Variants in MEGF10 observed in about 807,000 individuals in gnomAD.
MEGF10 encodes multiple EGF like domains 10.
MEGF10 carries 86 observed loss-of-function variants against 147.5 expected under a neutral mutation model. The ratio of observed to expected loss-of-function variants is 0.58; its 90% CI spans 0.49 to 0.70. The LOEUF (loss-of-function observed/expected upper bound fraction) is 0.70, where lower values mean the gene tolerates loss of function less well. MEGF10 is among the 30% of genes least tolerant of loss of function. MEGF10 has a pLI of 0.00. For synonymous variants in MEGF10, 478 were observed against 525.5 expected, an observed-to-expected ratio of 0.91 and a Z score of 1.24; for missense variants, 1,329 against 1,487.3, an observed-to-expected ratio of 0.89 and a Z score of 1.75.
intron 5 of MEGF10, among the ~76,000 whole-genome samples, chr5:127,376,500 TA>T (rs750630248): frequency 2.6e-5 from 4 of 152,092 alleles, no homozygotes; most frequent in Non-Finnish European, 5.9e-5. Flanking sequence ...AGAATAGGTG[TA>T]AACAGGTTTC....
At chr5:127,405,169 G>A (rs1764276910) in intron 8 of MEGF10, among the ~76,000 whole-genome samples, 1 of 152,158 alleles carries the variant, frequency 6.6e-6, no homozygotes, top group Non-Finnish European at 1.5e-5. Flanking sequence ...TTATCAGTTT[G>A]AGTGCTGTTT....
At chr5:127,423,702 T>A (rs946246223) in intron 13 of MEGF10, among the ~76,000 whole-genome samples, 1 of 152,214 alleles carries the variant, frequency 6.6e-6, no homozygotes, top group South Asian at 2.1e-4. Context: ...AAATCCCTGC[T>A]CAGACTCTTT....
the MEGF10 span, among the ~76,000 whole-genome samples, chr5:127,271,172 C>A: frequency 0.4 from 60,666 of 152,010 alleles, 12,608 homozygotes; most frequent in Middle Eastern, 0.54. Flanking sequence ...AATTTACACT[C>A]CTACCAAGAG....
chr5:127,292,180 G>A (rs1759287301), intron 1 of MEGF10, among the ~76,000 whole-genome samples: 1 of 152,168 alleles, frequency 6.6e-6, no homozygotes, highest in African/African-American at 2.4e-5. Context: ...TTACCACTGA[G>A]AGTTCAAAGA....
In MEGF10 at chr5:127,310,031, T is replaced by A. The variant is rs1427855604; in HGVS notation, c.-19+18975T>A. On this transcript the variant is annotated intron_variant, in intron 1 of 24. Coordinates refer to ENST00000503335, the MANE Select transcript of MEGF10 (RefSeq NM_001256545.2). ...CTTCCTTTCTTTTTTTCTTTCTTTC[T>A]TTCCTTCTTTCTTTATTTCTTTCTT... is the stretch of plus-strand genomic sequence containing the variant. Among the ~76,000 whole-genome samples the A allele has an allele frequency of 3.2e-5, 2 of 62,950 alleles. 1 individual carries two copies. The highest frequency in any genetic ancestry group is 8.0e-5 in the Non-Finnish European group (2 of 24,998). 41.3% of individuals were successfully genotyped at this position (62,950 alleles called of 152,430 possible).
intron 4 of MEGF10, among the ~76,000 whole-genome samples, chr5:127,345,030 A>T (rs1580740454): frequency 6.6e-6 from 1 of 152,210 alleles, no homozygotes; most frequent in East Asian, 1.9e-4. Context: ...TTTAAGTTTC[A>T]TATTAATACA....
At chr5:127,366,460 A>T (rs1303602107) in intron 4 of MEGF10, among the ~76,000 whole-genome samples, 7 of 152,170 alleles carry the variant, frequency 4.6e-5, no homozygotes, top group Admixed American at 4.6e-4. Flanking sequence ...AATATTTCTC[A>T]TCATTTAGAT....
intron 1 of MEGF10, among the ~76,000 whole-genome samples, chr5:127,318,537 G>A (rs1393973534): frequency 6.6e-6 from 1 of 152,148 alleles, no homozygotes; most frequent in Non-Finnish European, 1.5e-5. Flanking sequence ...TTGAAAAGCA[G>A]ATGAAGTAGC....
At chr5:127,294,976 T>G (rs920325831) in intron 1 of MEGF10, among the ~76,000 whole-genome samples, 1 of 152,172 alleles carries the variant, frequency 6.6e-6, no homozygotes, top group South Asian at 2.1e-4. Context: ...TTTAGGATGG[T>G]TTTGGTTTGG....
the MEGF10 span, among the ~76,000 whole-genome samples, chr5:127,269,760 C>T: frequency 6.6e-6 from 1 of 152,128 alleles, no homozygotes; most frequent in African/African-American, 2.4e-5. Flanking sequence ...TCGAGAAGAG[C>T]AACTCCAAGA....
At chr5:127,398,369 T>G (rs938300010) in intron 6 of MEGF10, among the ~76,000 whole-genome samples, 4 of 152,174 alleles carry the variant, frequency 2.6e-5, no homozygotes, top group African/African-American at 9.7e-5. Context: ...TTTATAAGTG[T>G]TACATGAGAA....
At chr5:127,452,769 C>T (rs1177732689) in intron 22 of MEGF10, among the ~76,000 whole-genome samples, 1 of 152,216 alleles carries the variant, frequency 6.6e-6, no homozygotes, top group Non-Finnish European at 1.5e-5. Flanking sequence ...AGTCCAAGGA[C>T]TTCAAGATCA....
At chr5:127,282,929 A>G in the MEGF10 span, among the ~76,000 whole-genome samples, 11 of 152,234 alleles carry the variant, frequency 7.2e-5, no homozygotes, top group Non-Finnish European at 1.2e-4. Context: ...AAGTTCATCA[A>G]TCTCAGCAGG....
Position 127,434,687 on chromosome 5 carries a change from T to A in MEGF10, c.1841T>A (p.Ile614Asn), listed in dbSNP as rs1485623246. ...CTGCTGATTTCCCTTCTGTTTTCAG[T>A]CTGCTCCCCTGGTTTTTATGGGCAT... ...PGFRGTTCQRICSPGFYGHRC... is the reference protein window; with the variant it reads ...PGFRGTTCQRNCSPGFYGHRC... Residue 614 changes from isoleucine to asparagine, a missense_variant and splice_region_variant, in exon 15 of 25, where the codon ATC (isoleucine) becomes AAC (asparagine). By Grantham distance (149) the Ile-to-Asn change is moderately radical. This residue lies in a region of MEGF10 where 980 missense variants were observed against 1,085.9 expected (regional missense o/e 0.90). Transcript: ENST00000503335. 1.9e-6 allele frequency: 3 copies of A among 1,608,766 alleles called. No individual in the cohort carries two copies. Among genetic ancestry groups the A allele is most frequent in the Middle Eastern group, 3.3e-4 (2 of 6,046 alleles).
chr5:127,391,094 G>GCA (rs1561614572), intron 5 of MEGF10, among the ~76,000 whole-genome samples: 88 of 24,454 alleles, frequency 3.6e-3, no homozygotes, highest in African/African-American at 7.5e-3. Flanking sequence ...ACATGCGCGC[G>GCA]CGCGCGCGCA....
At chr5:127,384,119 C>T (rs1466497375) in intron 5 of MEGF10, among the ~76,000 whole-genome samples, 1 of 152,166 alleles carries the variant, frequency 6.6e-6, no homozygotes, top group Non-Finnish European at 1.5e-5. Context: ...GACATAGGTC[C>T]TCTATGTTCC....
the MEGF10 span, among the ~76,000 whole-genome samples, chr5:127,267,961 G>A: frequency 2.0e-5 from 3 of 152,178 alleles, no homozygotes; most frequent in Middle Eastern, 3.4e-3. Context: ...CCTTCTGCTA[G>A]CTTTTGAATG....
chr5:127,387,836 A>G (rs1763491237), intron 5 of MEGF10, among the ~76,000 whole-genome samples: 2 of 152,236 alleles, frequency 1.3e-5, no homozygotes, highest in Admixed American at 6.5e-5. Flanking sequence ...AACTCAATGT[A>G]TCTTAGAAAG....
rs117160642 is a variant in MEGF10, at chr5:127,449,451, A to G, written c.2980+229A>G. On this transcript the variant is annotated intron_variant, in intron 22 of 24. Coordinates refer to ENST00000503335, the MANE Select transcript of MEGF10 (RefSeq NM_001256545.2). ...ATGTGCCAGGAATTGATCAAAAGAG[A>G]TTGGGATCTCTGCCTGCTCGTAGCT... Among the ~76,000 whole-genome samples, 19 of 152,294 alleles carry G rather than the reference A, an allele frequency of 1.2e-4. No homozygotes were observed. The East Asian group carries it at 3.7e-3, about 29-fold the overall frequency.
Sources: gnomAD v4.1 joint callset for allele counts (sites outside exome capture counted in the v4.1 genomes callset) on GRCh38, gnomAD v4.1.1 for gene constraint, gnomAD v4.1.1 regional missense constraint, MANE v1.5 for transcripts, NCBI Gene and HGNC (gene_info 2026-07-23, HGNC 2026-07-21) for gene names.